Variants in C1QTNF2 observed in about 807,000 individuals in gnomAD.
The protein encoded by C1QTNF2 is complement C1q tumor necrosis factor-related protein 2.
Under a neutral mutation model 17.4 loss-of-function variants are expected in C1QTNF2, and 15 were observed. The ratio of observed to expected loss-of-function variants is 0.86; its 90% CI spans 0.58 to 1.33. The LOEUF (loss-of-function observed/expected upper bound fraction) is 1.33, where lower values mean the gene tolerates loss of function less well. Ranked by LOEUF, C1QTNF2 falls within the 40% of genes most tolerant of loss-of-function variation. C1QTNF2 has a pLI of 0.00. For synonymous variants in C1QTNF2, 154 were observed against 163.3 expected, an observed-to-expected ratio of 0.94 and a Z score of 0.44; for missense variants, 381 against 392.3, an observed-to-expected ratio of 0.97 and a Z score of 0.24.
In C1QTNF2 at chr5:160,370,581, G is replaced by T; in HGVS notation, c.-79C>A. The stretch of plus-strand genomic sequence containing the variant: ...GCTCTCGGCGGGGCTCCGCGTCCCG[G>T]CTTTCCTCAGCGGCAGCAGCCGGGC... On this transcript the variant is annotated 5_prime_UTR_variant, in exon 1 of 3. Coordinates refer to ENST00000652664, the MANE Select transcript of C1QTNF2 (RefSeq NM_031908.6). The T allele has an allele frequency of 6.9e-7, 1 of 1,451,826 alleles. No homozygotes were observed. The allele number at this position is 1,451,826 out of a possible 1,614,324, so 89.9% of individuals were successfully genotyped here. A position where few individuals can be genotyped will look rare whatever the true frequency, so the allele number is the denominator to read the frequency against.
chr5:160,367,071 T>C (rs537999227), intron 1 of C1QTNF2, among the ~76,000 whole-genome samples: 1 of 150,036 alleles, frequency 6.7e-6, no homozygotes, highest in South Asian at 2.1e-4. Context: ...AGAGACTGGC[T>C]GAGGAGGATT....
chr5:160,357,886 G>A (rs1561825006), intron 1 of C1QTNF2, among the ~76,000 whole-genome samples: 1 of 152,218 alleles, frequency 6.6e-6, no homozygotes, highest in Non-Finnish European at 1.5e-5. Context: ...AGGCAGAAAA[G>A]AGAGCCAGCC....
At chr5:160,369,256 A>T (rs1464652848) in intron 1 of C1QTNF2, among the ~76,000 whole-genome samples, 5 of 152,160 alleles carry the variant, frequency 3.3e-5, no homozygotes, top group Admixed American at 6.6e-5. Flanking sequence ...CTTTTATAAC[A>T]TTTAAAACAA....
intron 2 of C1QTNF2, among the ~76,000 whole-genome samples, chr5:160,351,789 A>G (rs1462768623): frequency 6.6e-6 from 1 of 152,172 alleles, no homozygotes; most frequent in Non-Finnish European, 1.5e-5. Context: ...ATATAATTAA[A>G]AATAAACAAA....
intron 1 of C1QTNF2, among the ~76,000 whole-genome samples, chr5:160,358,412 G>T (rs1172904132): frequency 2.0e-5 from 3 of 152,154 alleles, no homozygotes; most frequent in Non-Finnish European, 4.4e-5. Flanking sequence ...GCTTAGAGGG[G>T]CACTAAAGCC....
rs369214593 is a variant in C1QTNF2 at position 160,349,155 on chromosome 5, C to A, written c.*13G>T. On this transcript the variant is annotated 3_prime_UTR_variant, in exon 3 of 3. Coordinates refer to ENST00000652664, the MANE Select transcript of C1QTNF2 (RefSeq NM_031908.6). This position sits in a 1 kb window ranked among gnomAD's most constrained non-coding sequence, Gnocchi z 4.3. Reference sequence around the variant, plus strand: ...GAAGCTTGTTCCCTGCCTGGAGGACCGCCGTGGCATGTCTATACCTCGTTG... The same window carrying A: ...GAAGCTTGTTCCCTGCCTGGAGGACAGCCGTGGCATGTCTATACCTCGTTG... The A allele has an allele frequency of 6.3e-7, 1 of 1,595,948 alleles. No individual in the cohort carries two copies. The highest frequency in any genetic ancestry group is 1.1e-5 in the South Asian group (1 of 88,548).
intron 1 of C1QTNF2, among the ~76,000 whole-genome samples, chr5:160,368,269 C>T (rs931463962): frequency 6.6e-6 from 1 of 152,194 alleles, no homozygotes; most frequent in African/African-American, 2.4e-5. Flanking sequence ...CGCGGTGGCT[C>T]ATGCCTGTAA....
intron 2 of C1QTNF2, among the ~76,000 whole-genome samples, chr5:160,351,970 G>A (rs548939726): frequency 3.7e-4 from 56 of 151,622 alleles, no homozygotes; most frequent in South Asian, 8.3e-4. Flanking sequence ...GAGTGCAGTG[G>A]CGCGATCATA....
chr5:160,354,855 GC>G lies in C1QTNF2; in HGVS notation c.156del (p.Ser54GlnfsTer3), dbSNP rs1384779731. 1 of 1,611,422 alleles carries G rather than the reference GC, an allele frequency of 6.2e-7. No homozygotes were observed. Among genetic ancestry groups the G allele is most frequent in the African/African-American group, 1.3e-5 (1 of 74,862 alleles). On this transcript the variant is annotated frameshift_variant, in exon 2 of 3. Coordinates refer to ENST00000652664, the MANE Select transcript of C1QTNF2 (RefSeq NM_031908.6). LOFTEE classifies it high-confidence loss of function. ...QGPPGPPGAPGPSGMMGRMGF... is the reference protein window; with the variant it reads ...QGPPGPPGAPXPSGMMGRMGF... ...CCCATTCGTCCCATCATTCCTGAGG[GC>G]CCTGGGGCTCCTGGGGGGCCGGGTG...
rs1165690703 is a variant in C1QTNF2, at chr5:160,354,935, T to G, written c.77A>C (p.Asp26Ala). The change falls in exon 2 of 3, where the codon GAC becomes GCC. Residue 26 changes from aspartate to alanine, a missense_variant. Transcript: ENST00000652664. ...DPLLGAFARRDFRKGSPQLVC... is the reference protein window; with the variant it reads ...DPLLGAFARRAFRKGSPQLVC... ...CAGTTGAGGGGAGCCTTTCCGGAAG[T>G]CCCTGCGAGCAAAGGCGCCAAGCAG... is the stretch of plus-strand genomic sequence containing the variant. The G allele has an allele frequency of 6.3e-7, 1 of 1,597,920 alleles. No individual in the cohort carries two copies. The highest frequency in any genetic ancestry group is 2.3e-5 in the East Asian group (1 of 44,324).
chr5:160,366,844 C>T (rs550895760), intron 1 of C1QTNF2, among the ~76,000 whole-genome samples: 55 of 130,398 alleles, frequency 4.2e-4, no homozygotes, highest in African/African-American at 1.3e-3. Flanking sequence ...GACAATATGG[C>T]AAAACCTCAT....
In C1QTNF2 at chr5:160,349,927, G is replaced by A. The variant is rs1479148076; in HGVS notation, c.245-146C>T. 8.7e-6 allele frequency: 8 copies of A among 924,402 alleles called. No homozygotes were observed. The Admixed American group carries it at 1.7e-4, about 20-fold the overall frequency. The allele number at this position is 924,402 out of a possible 1,614,324, so 57.3% of individuals were successfully genotyped here. Reference sequence around the variant, plus strand: ...GCTTTGCAGACATATAGAAGTGGGTGTAAATCCTAATGCTAGCTCTCTGGA... The same window carrying A: ...GCTTTGCAGACATATAGAAGTGGGTATAAATCCTAATGCTAGCTCTCTGGA... On this transcript the variant is annotated intron_variant, in intron 2 of 2. Transcript: ENST00000652664. The surrounding 1 kb of genome is among the most constrained non-coding windows in gnomAD (Gnocchi z 4.3).
chr5:160,359,085 G>A (rs761738484), intron 1 of C1QTNF2, among the ~76,000 whole-genome samples: 2 of 152,014 alleles, frequency 1.3e-5, no homozygotes, highest in Non-Finnish European at 2.9e-5. Context: ...CTGCTGCATT[G>A]TTTTATACAA....
chr5:160,349,501 G>A lies in C1QTNF2; in HGVS notation c.525C>T (p.Asn175=), dbSNP rs755115029. The A allele has an allele frequency of 5.6e-6, 9 of 1,613,884 alleles. No homozygotes were observed. Among genetic ancestry groups the A allele is most frequent in the African/African-American group, 2.7e-5 (2 of 74,900 alleles). The part of the protein sequence containing the change: ...LPIKFDKILM[N]EGGHYNASSG... ...TGGAAGCATTGTAGTGGCCACCCTC[G>A]TTCATCAGAATCTTGTCAAACTTGA... The change falls in exon 3 of 3, where the codon AAC becomes AAT. Residue 175 remains asparagine (N), a synonymous_variant. Coordinates refer to ENST00000652664, the MANE Select transcript of C1QTNF2 (RefSeq NM_031908.6). This position sits in a 1 kb window ranked among gnomAD's most constrained non-coding sequence, Gnocchi z 4.3.
Position 160,349,650 on chromosome 5 carries a change from T to A in C1QTNF2, c.376A>T (p.Lys126Ter). 6.2e-7 allele frequency: 1 copy of A among 1,613,468 alleles called. No homozygotes were observed. The highest frequency in any genetic ancestry group is 8.5e-7 in the Non-Finnish European group (1 of 1,179,954). ...TPGKHGTPGK[K>*]GPKGKKGEPG... ...TCCCCCTTCTTGCCCTTGGGCCCCT[T>A]CTTGCCTGGTGTGCCATGCTTCCCG... The change falls in exon 3 of 3, where the codon AAG (lysine) becomes TAG (stop). Residue 126 changes from lysine (K) to a stop codon, truncating the protein, a stop_gained. Coordinates refer to ENST00000652664, the MANE Select transcript of C1QTNF2 (RefSeq NM_031908.6). LOFTEE classifies it high-confidence loss of function. This position sits in a 1 kb window ranked among gnomAD's most constrained non-coding sequence, Gnocchi z 4.3.
chr5:160,361,030 G>A (rs1486046528), intron 1 of C1QTNF2, among the ~76,000 whole-genome samples: 7 of 151,988 alleles, frequency 4.6e-5, no homozygotes, highest in Non-Finnish European at 7.4e-5. Context: ...TCCTGACCTC[G>A]TTATCCACCT....
intron 1 of C1QTNF2, among the ~76,000 whole-genome samples, chr5:160,369,835 T>G (rs1252203948): frequency 6.6e-6 from 1 of 152,014 alleles, no homozygotes; most frequent in Non-Finnish European, 1.5e-5. Flanking sequence ...GCAGCAGCAG[T>G]GGGGATGGAG....
At chr5:160,366,183 T>G (rs1764244164) in intron 1 of C1QTNF2, among the ~76,000 whole-genome samples, 1 of 152,220 alleles carries the variant, frequency 6.6e-6, no homozygotes, top group Non-Finnish European at 1.5e-5. Flanking sequence ...TAGCTCTCAC[T>G]TATGAGTGAG....
chr5:160,370,235 T>C (rs1764325368), intron 1 of C1QTNF2, among the ~76,000 whole-genome samples: 1 of 152,170 alleles, frequency 6.6e-6, no homozygotes, highest in Admixed American at 6.5e-5. Flanking sequence ...AGGCGCTCAA[T>C]AAATGGCAGA....
Sources: allele counts gnomAD v4.1 joint callset (sites outside exome capture counted in the v4.1 genomes callset), GRCh38; gene constraint gnomAD v4.1.1; non-coding constraint Gnocchi (gnomAD v3.1); transcripts MANE v1.5; gene names NCBI Gene and HGNC (gene_info 2026-07-23, HGNC 2026-07-21).